The following CLSTN2 variants were observed in gnomAD, a reference collection of about 807,000 sequenced individuals.
The protein encoded by CLSTN2 is calsyntenin-2.
CLSTN2 carries 48 observed loss-of-function variants against 101.2 expected under a neutral mutation model. The ratio of observed to expected loss-of-function variants is 0.47; its 90% CI spans 0.38 to 0.60. The LOEUF (loss-of-function observed/expected upper bound fraction) is 0.60. Ranked by LOEUF, CLSTN2 falls within the 20% of genes least tolerant of loss-of-function variation. The pLI, the probability that CLSTN2 is intolerant of heterozygous loss-of-function variation, is 0.00. For missense variants in CLSTN2, 1,160 were observed against 1,238.2 expected (o/e 0.94, Z 0.95); for synonymous variants, 481 against 463.6 (o/e 1.04, Z -0.48).
chr3:140,307,971 T>C (rs2087131001), intron 2 of CLSTN2, among the ~76,000 whole-genome samples: 1 of 152,200 alleles, frequency 6.6e-6, no homozygotes, highest in African/African-American at 2.4e-5. Flanking sequence ...GTAGATATAA[T>C]CCTTACAGGC....
At chr3:140,033,739 C>G (rs1384664216) in intron 1 of CLSTN2, among the ~76,000 whole-genome samples, 1 of 152,150 alleles carries the variant, frequency 6.6e-6, no homozygotes. Context: ...TATGTAAGTG[C>G]AAAATTATCT....
chr3:140,413,654 C>G (rs983686607), intron 4 of CLSTN2, among the ~76,000 whole-genome samples: 1 of 152,090 alleles, frequency 6.6e-6, no homozygotes, highest in African/African-American at 2.4e-5. Flanking sequence ...TAGTCCTCAA[C>G]AAAATACTAG....
rs1246873255 is a variant in CLSTN2, at chr3:140,383,292, A to G, written c.233-20337A>G. On this transcript the variant is annotated intron_variant, in intron 2 of 16. Coordinates refer to ENST00000458420, the MANE Select transcript of CLSTN2 (RefSeq NM_022131.3). Reference sequence around the variant, plus strand: ...CACCTTAAAGCACAGAGATGTGGTCATATTTCTTTACCTTCTTTGAACTGC... The same window carrying G: ...CACCTTAAAGCACAGAGATGTGGTCGTATTTCTTTACCTTCTTTGAACTGC... Among the ~76,000 whole-genome samples the G allele has an allele frequency of 2.6e-5, 4 of 152,326 alleles. No individual in the cohort carries two copies. In the South Asian group the frequency reaches 8.3e-4, roughly 32 times the overall value.
rs1012233607 is a variant in CLSTN2, at chr3:140,532,476, T to C, written c.1497T>C (p.Ala499=). 1 of 1,612,952 alleles carries C rather than the reference T, an allele frequency of 6.2e-7. No individual in the cohort carries two copies. Among genetic ancestry groups the C allele is most frequent in the Non-Finnish European group, 8.5e-7 (1 of 1,179,342 alleles). Residue 499 remains alanine, a synonymous_variant, in exon 9 of 17, where the codon GCT becomes GCC. Transcript: ENST00000458420. ...SHIAMQLTVG[A]CWQGGEVTKP... Reference sequence around the variant, plus strand: ...TAGCCATGCAACTCACAGTCGGCGCTTGTTGGCAAGGTAATCCTAAGTGAA... The same window carrying C: ...TAGCCATGCAACTCACAGTCGGCGCCTGTTGGCAAGGTAATCCTAAGTGAA...
chr3:140,006,383 CT>C (rs1421391817), intron 1 of CLSTN2, among the ~76,000 whole-genome samples: 5 of 152,196 alleles, frequency 3.3e-5, no homozygotes, highest in African/African-American at 1.2e-4. Context: ...ACCTACCAGG[CT>C]TTCTTTAGGA....
chr3:140,047,074 G>A (rs922947991), intron 1 of CLSTN2, among the ~76,000 whole-genome samples: 6 of 152,096 alleles, frequency 3.9e-5, no homozygotes, highest in African/African-American at 1.4e-4. Context: ...AAGATTGCTA[G>A]CATTGTGTCA....
At chr3:140,368,540 G>T (rs939452757) in intron 2 of CLSTN2, among the ~76,000 whole-genome samples, 2 of 152,154 alleles carry the variant, frequency 1.3e-5, no homozygotes, top group South Asian at 4.1e-4. Context: ...CCAAGGGGTG[G>T]TATCTATGTC....
chr3:140,511,281 AGATTGATTT>A (rs1457938266), intron 8 of CLSTN2, among the ~76,000 whole-genome samples: 4 of 152,134 alleles, frequency 2.6e-5, no homozygotes, highest in African/African-American at 9.7e-5. Flanking sequence ...ATGGGCATTT[AGATTGATTT>A]CATGTCTTTG....
intron 1 of CLSTN2, among the ~76,000 whole-genome samples, chr3:140,034,174 G>T (rs548016836): frequency 1.3e-5 from 2 of 152,308 alleles, no homozygotes; most frequent in African/African-American, 4.8e-5. Context: ...GCTCTGCAGT[G>T]CATAGAAATT....
intron 1 of CLSTN2, among the ~76,000 whole-genome samples, chr3:140,135,345 A>C (rs575799702): frequency 6.6e-6 from 1 of 151,916 alleles, no homozygotes; most frequent in African/African-American, 2.4e-5. Flanking sequence ...TGTGGTTGAC[A>C]CTTTGGGAAG....
chr3:139,997,281 A>G (rs2006687799), intron 1 of CLSTN2, among the ~76,000 whole-genome samples: 1 of 152,134 alleles, frequency 6.6e-6, no homozygotes, highest in Admixed American at 6.5e-5. Flanking sequence ...ATTTTAGTGA[A>G]GTCAAATGTA....
intron 1 of CLSTN2, among the ~76,000 whole-genome samples, chr3:140,076,950 G>T (rs899517323): frequency 2.6e-5 from 4 of 152,042 alleles, no homozygotes; most frequent in Non-Finnish European, 5.9e-5. Flanking sequence ...CAATATGCCC[G>T]CCCAGGCACT....
intron 2 of CLSTN2, among the ~76,000 whole-genome samples, chr3:140,231,181 C>T (rs1202020478): frequency 3.3e-5 from 5 of 152,120 alleles, no homozygotes; most frequent in African/African-American, 2.4e-5. Flanking sequence ...GAGGTCTCAG[C>T]TTCTTTTAGG....
intron 6 of CLSTN2, among the ~76,000 whole-genome samples, chr3:140,450,545 G>A (rs1433334552): frequency 1.3e-5 from 2 of 152,158 alleles, no homozygotes; most frequent in Non-Finnish European, 2.9e-5. Context: ...ATGTTTGGGA[G>A]CTTAGGAAAG....
intron 1 of CLSTN2, among the ~76,000 whole-genome samples, chr3:140,145,542 A>C (rs2009768600): frequency 6.6e-6 from 1 of 152,268 alleles, no homozygotes; most frequent in Non-Finnish European, 1.5e-5. Context: ...GGGATTACTT[A>C]GAAGAAATTT....
chr3:140,041,021 G>A (rs2007751287), intron 1 of CLSTN2, among the ~76,000 whole-genome samples: 1 of 152,140 alleles, frequency 6.6e-6, no homozygotes, highest in Admixed American at 6.5e-5. Context: ...GGCCCGAGTG[G>A]AGAAAAGGCA....
chr3:140,056,876 A>C (rs953657800), intron 1 of CLSTN2, among the ~76,000 whole-genome samples: 1 of 152,244 alleles, frequency 6.6e-6, no homozygotes, highest in Non-Finnish European at 1.5e-5. Context: ...CATTTTATGG[A>C]TACTGAAAGT....
At chr3:140,081,382 C>T (rs2008596469) in intron 1 of CLSTN2, among the ~76,000 whole-genome samples, 1 of 152,200 alleles carries the variant, frequency 6.6e-6, no homozygotes, top group East Asian at 1.9e-4. Flanking sequence ...TCCTCTTTTG[C>T]ATGTTTGTCA....
intron 2 of CLSTN2, among the ~76,000 whole-genome samples, chr3:140,305,505 A>T (rs2087105226): frequency 6.6e-6 from 1 of 152,160 alleles, no homozygotes; most frequent in Non-Finnish European, 1.5e-5. Flanking sequence ...GGTCAGACAC[A>T]TCGTGAGAGG....
Sources: allele counts gnomAD v4.1 joint callset (sites outside exome capture counted in the v4.1 genomes callset), GRCh38; gene constraint gnomAD v4.1.1; transcripts MANE v1.5; gene names NCBI Gene and HGNC (gene_info 2026-07-23, HGNC 2026-07-21).